MAPK10: variants seen among roughly 807,000 people sequenced by gnomAD.
MAPK10 encodes mitogen-activated protein kinase 10, also known as JNK3 alpha protein kinase.
A neutral mutation model predicts 59.3 loss-of-function variants in MAPK10; 25 were observed. The ratio of observed to expected loss-of-function variants is 0.42; its 90% confidence interval spans 0.31 to 0.59. MAPK10 has a LOEUF of 0.59. Ranked by LOEUF, MAPK10 falls within the 20% of genes least tolerant of loss-of-function variation. MAPK10 has a pLI of 0.15. For synonymous variants in MAPK10, 190 were observed against 200.5 expected, an observed-to-expected ratio of 0.95 and a Z score of 0.44; for missense variants, 351 against 568.9, an observed-to-expected ratio of 0.62 and a Z score of 3.90.
At chr4:86,261,552 C>T (rs2093981061) in intron 2 of MAPK10, among the ~76,000 whole-genome samples, 1 of 152,282 alleles carries the variant, frequency 6.6e-6, no homozygotes, top group African/African-American at 2.4e-5. Flanking sequence ...ATTCCCTTGA[C>T]AACCTGATAA....
At chr4:86,228,421 C>A (rs570806304) in intron 2 of MAPK10, among the ~76,000 whole-genome samples, 1 of 152,288 alleles carries the variant, frequency 6.6e-6, no homozygotes, top group African/African-American at 2.4e-5. Flanking sequence ...ATATCATGTT[C>A]TTTTTTCCTT....
At chr4:86,328,809 C>T (rs2096083119) in intron 2 of MAPK10, among the ~76,000 whole-genome samples, 1 of 152,052 alleles carries the variant, frequency 6.6e-6, no homozygotes, top group Non-Finnish European at 1.5e-5. Context: ...AATGAGAATA[C>T]ATGGACACAG....
At chr4:86,423,770 C>CATAT (rs539111577) in intron 1 of MAPK10, among the ~76,000 whole-genome samples, 12,636 of 91,128 alleles carry the variant, frequency 0.14, 808 homozygotes, top group Non-Finnish European at 0.17. Flanking sequence ...GATATATATA[C>CATAT]ATATATATAT....
chr4:86,527,265 T>C (rs1335191251), intron 1 of MAPK10, among the ~76,000 whole-genome samples: 1 of 129,998 alleles, frequency 7.7e-6, no homozygotes, highest in Non-Finnish European at 1.5e-5. Flanking sequence ...GGAGCTGTAA[T>C]CGTCCCACTG....
At chr4:86,562,284 T>A (rs1344080374) in intron 1 of MAPK10, among the ~76,000 whole-genome samples, 2 of 149,204 alleles carry the variant, frequency 1.3e-5, no homozygotes, top group East Asian at 4.1e-4. Flanking sequence ...ATCAAAAAAA[T>A]TAATAAATAA....
intron 4 of MAPK10, among the ~76,000 whole-genome samples, chr4:86,147,276 C>T (rs1299830468): frequency 6.6e-6 from 1 of 151,916 alleles, no homozygotes; most frequent in African/African-American, 2.4e-5. Context: ...TTGGTAGAGA[C>T]GGGGTTTTGC....
At chr4:86,314,252 G>A (rs148119290) in intron 2 of MAPK10, among the ~76,000 whole-genome samples, 10 of 152,236 alleles carry the variant, frequency 6.6e-5, no homozygotes, top group Non-Finnish European at 1.2e-4. Flanking sequence ...CTGTTTGGTG[G>A]ATACATAGGT....
At chr4:86,547,080 G>A (rs1157027618) in intron 1 of MAPK10, among the ~76,000 whole-genome samples, 1 of 152,168 alleles carries the variant, frequency 6.6e-6, no homozygotes, top group Non-Finnish European at 1.5e-5. Context: ...GTGCTAAAGG[G>A]AAAGGCTGAT....
At position 86,502,141 on chromosome 4, in the gene MAPK10, C is replaced by T. The variant is rs138659037; in HGVS notation, c.-263+91769G>A. Among the ~76,000 whole-genome samples, 245 of 152,062 alleles carry T rather than the reference C, an allele frequency of 1.6e-3. 2 individuals carry two copies. The highest frequency in any genetic ancestry group is 5.4e-3 in the African/African-American group (225 of 41,504). The stretch of plus-strand genomic sequence containing the variant: ...AAACCATTTTCTTCTGCCTCTTTAA[C>T]GGCTACTTTTTGATCTCCATTTTTT... On this transcript the variant is annotated intron_variant, in intron 1 of 4. Transcript: ENST00000502302.
chr4:86,547,589 C>G (rs1352730744), intron 1 of MAPK10, among the ~76,000 whole-genome samples: 1 of 152,206 alleles, frequency 6.6e-6, no homozygotes, highest in African/African-American at 2.4e-5. Context: ...AGCGCCGCCC[C>G]CTGCTCCACA....
At chr4:86,438,223 C>T (rs1748993117) in intron 1 of MAPK10, among the ~76,000 whole-genome samples, 1 of 151,994 alleles carries the variant, frequency 6.6e-6, no homozygotes, top group Admixed American at 6.6e-5. Flanking sequence ...TTTAGTATGT[C>T]TTTCTTTATT....
intron 4 of MAPK10, among the ~76,000 whole-genome samples, chr4:86,112,087 A>G (rs1220513748): frequency 3.4e-5 from 5 of 147,392 alleles, no homozygotes; most frequent in Non-Finnish European, 7.5e-5. Flanking sequence ...TATTGTGTCT[A>G]TTTGATTATT....
At chr4:86,130,732 C>T (rs1479027608) in intron 4 of MAPK10, among the ~76,000 whole-genome samples, 1 of 151,992 alleles carries the variant, frequency 6.6e-6, no homozygotes, top group Admixed American at 6.6e-5. Context: ...AAATGGGAAG[C>T]AAGATTTTCA....
intron 9 of MAPK10, chr4:86,079,650 G>A (rs1472711642): frequency 6.6e-6 from 1 of 152,016 alleles, no homozygotes; most frequent in African/African-American, 2.4e-5. Flanking sequence ...TTTCAATTTG[G>A]TAAATAATTA....
intron 4 of MAPK10, among the ~76,000 whole-genome samples, chr4:86,109,333 T>G (rs1175841475): frequency 6.6e-6 from 1 of 152,178 alleles, no homozygotes; most frequent in Non-Finnish European, 1.5e-5. Flanking sequence ...ACCCATCACC[T>G]AAGTATTAAG....
At chr4:86,273,595 G>C (rs746056229) in intron 2 of MAPK10, among the ~76,000 whole-genome samples, 4 of 151,786 alleles carry the variant, frequency 2.6e-5, no homozygotes, top group Admixed American at 6.6e-5. Context: ...ATCTAGGTCT[G>C]CTTTTTTATT....
At chr4:86,256,052 C>A (rs1563662942) in intron 2 of MAPK10, among the ~76,000 whole-genome samples, 1 of 152,126 alleles carries the variant, frequency 6.6e-6, no homozygotes, top group Non-Finnish European at 1.5e-5. Context: ...CTGAATGAAG[C>A]AATTACAGGC....
chr4:86,394,275 AAAAGAAAG>A (rs551688396), intron 1 of MAPK10, among the ~76,000 whole-genome samples: 2 of 152,158 alleles, frequency 1.3e-5, no homozygotes, highest in Admixed American at 6.5e-5. Context: ...TTTCAAAAAA[AAAAGAAAG>A]AAAGAAAGAA....
chr4:86,244,049 G>C (rs2092922895), intron 2 of MAPK10, among the ~76,000 whole-genome samples: 1 of 152,160 alleles, frequency 6.6e-6, no homozygotes, highest in Non-Finnish European at 1.5e-5. Flanking sequence ...ATTAGTGCTG[G>C]AGCACAGGAA....
Sources: gnomAD v4.1 joint callset for allele counts (sites outside exome capture counted in the v4.1 genomes callset) on GRCh38, gnomAD v4.1.1 for gene constraint, MANE v1.5 for transcripts, NCBI Gene and HGNC (gene_info 2026-07-23, HGNC 2026-07-21) for gene names.